Variants in MYO18B observed in about 807,000 individuals in gnomAD.
MYO18B encodes the protein unconventional myosin-XVIIIb.
A neutral mutation model predicts 273.0 loss-of-function variants in MYO18B; 204 were observed. That is an observed-to-expected ratio of 0.75 (90% CI 0.67 to 0.84). MYO18B has a LOEUF of 0.84. Among genes scored for constraint, MYO18B ranks in the 40% least tolerant of loss-of-function variants. The pLI is 0.00. For synonymous variants in MYO18B, 1,330 were observed against 1,305.7 expected (o/e 1.02, Z -0.40); for missense variants, 3,212 against 3,287.6 (o/e 0.98, Z 0.56).
intron 39 of MYO18B, among the ~76,000 whole-genome samples, chr22:25,956,458 T>C (rs970101805): frequency 6.6e-6 from 1 of 152,168 alleles, no homozygotes; most frequent in Admixed American, 6.5e-5. Context: ...TCAGGCAATC[T>C]GCCCACTTCG....
intron 27 of MYO18B, among the ~76,000 whole-genome samples, chr22:25,894,303 T>A (rs575180165): frequency 6.6e-6 from 1 of 152,268 alleles, no homozygotes; most frequent in East Asian, 1.9e-4. Flanking sequence ...GCTCAATGAG[T>A]GTGTGAATGG....
intron 36 of MYO18B, among the ~76,000 whole-genome samples, chr22:25,949,921 C>G (rs1303284070): frequency 2.0e-5 from 3 of 152,100 alleles, no homozygotes; most frequent in Admixed American, 2.0e-4. Flanking sequence ...TGAACAAACC[C>G]AATACGGAAA....
intron 42 of MYO18B, among the ~76,000 whole-genome samples, chr22:26,010,896 G>A (rs1934857819): frequency 6.6e-6 from 1 of 151,956 alleles, no homozygotes; most frequent in Admixed American, 6.6e-5. Flanking sequence ...TGTGTTTGGG[G>A]ACATCCAAAG....
intron 34 of MYO18B, among the ~76,000 whole-genome samples, chr22:25,930,451 G>A (rs947584288): frequency 1.3e-4 from 19 of 151,478 alleles, no homozygotes; most frequent in African/African-American, 4.6e-4. Flanking sequence ...ACCTCTCCCC[G>A]CCATGCCACC....
chr22:25,795,999 T>C (rs570753891), intron 11 of MYO18B, among the ~76,000 whole-genome samples: 2 of 152,312 alleles, frequency 1.3e-5, no homozygotes, highest in Non-Finnish European at 2.9e-5. Flanking sequence ...TTCAAAGACT[T>C]GCTGGCTTTA....
chr22:25,962,046 T>G (rs2092923435), intron 39 of MYO18B, among the ~76,000 whole-genome samples: 2 of 152,320 alleles, frequency 1.3e-5, no homozygotes, highest in East Asian at 3.9e-4. Context: ...ACACTTCTTG[T>G]GCAGCCTGCA....
At chr22:25,957,736 C>A (rs542152378) in intron 39 of MYO18B, among the ~76,000 whole-genome samples, 1 of 152,026 alleles carries the variant, frequency 6.6e-6, no homozygotes, top group African/African-American at 2.4e-5. Flanking sequence ...CCTTGGTTTG[C>A]GGCTGCCTCA....
chr22:25,835,444 G>C lies in MYO18B; in HGVS notation c.3208+1G>C. The C allele has an allele frequency of 6.2e-7, 1 of 1,613,756 alleles. No homozygotes were observed. Among genetic ancestry groups the C allele is most frequent in the Non-Finnish European group, 8.5e-7 (1 of 1,179,878 alleles). ...GAGAAGAAAGGAGCTGGGACTGAAG[G>C]TAAGGAAGCAGGGGGCTGGGGATGG... On this transcript the variant is annotated splice_donor_variant, in intron 17 of 43. Transcript: ENST00000335473. LOFTEE classifies it high-confidence loss of function.
In MYO18B at chr22:26,026,985, A is replaced by C. The variant is rs1049270912; in HGVS notation, c.7011A>C (p.Thr2337=). The part of the protein sequence containing the change: ...KCISSDGVGG[T]TLLPEKSKTQ... ...TCTCTTCAGACGGTGTTGGGGGCAC[A>C]ACCCTACTCCCCGAAAAGTCGAAAA... The change falls in exon 43 of 44, where the codon ACA becomes ACC. Residue 2337 remains threonine (T), a synonymous_variant. Transcript: ENST00000335473. 3.1e-6 allele frequency: 5 copies of C among 1,613,786 alleles called. No homozygotes were observed. The highest frequency in any genetic ancestry group is 4.2e-6 in the Non-Finnish European group (5 of 1,179,896).
intron 16 of MYO18B, among the ~76,000 whole-genome samples, chr22:25,834,859 T>G (rs1041503854): frequency 1.3e-5 from 2 of 152,238 alleles, no homozygotes; most frequent in Non-Finnish European, 2.9e-5. Context: ...ATACAAGGAC[T>G]TCTTAGAGGA....
chr22:25,899,313 T>C (rs1426466699), intron 29 of MYO18B: 1 of 152,234 alleles, frequency 6.6e-6, no homozygotes, highest in African/African-American at 2.4e-5. Context: ...GGGAAAGGTA[T>C]ACAGGGGTCC....
rs5761269 is a variant in MYO18B at position 25,843,939 on chromosome 22, A to G, written c.3368+45A>G. The G allele has an allele frequency of 0.72, 1,113,659 of 1,555,698 alleles. 403,530 individuals carry two copies. The highest frequency in any genetic ancestry group is 1 in the East Asian group (43,741 of 43,836). ...GGGACGGGGATGGAGCATTGGAGGCACTGTGTTTTCCTTCCCACCTAAACT... is the reference window on the plus strand; with the variant it reads ...GGGACGGGGATGGAGCATTGGAGGCGCTGTGTTTTCCTTCCCACCTAAACT... On this transcript the variant is annotated intron_variant, in intron 18 of 43. Transcript: ENST00000335473.
In MYO18B at chr22:25,883,689, A is replaced by C. The variant is rs2091411828; in HGVS notation, c.4314+5641A>C. The C allele has an allele frequency of 6.6e-6, 1 of 151,972 alleles. No homozygotes were observed. Among genetic ancestry groups the C allele is most frequent in the Admixed American group, 6.6e-5 (1 of 15,256 alleles). 9.4% of individuals were successfully genotyped at this position (151,972 alleles called of 1,614,324 possible). On this transcript the variant is annotated intron_variant, in intron 25 of 43. Coordinates refer to ENST00000335473, the MANE Select transcript of MYO18B (RefSeq NM_032608.7). The surrounding 1 kb of genome is among the most constrained non-coding windows in gnomAD (Gnocchi z 7.6). Reference sequence around the variant, plus strand: ...CTGCGGTTCGTGGCCTCTGCATGCCACCCCTTTGTCTCTGGAGGGGGAGAA... The same window carrying C: ...CTGCGGTTCGTGGCCTCTGCATGCCCCCCCTTTGTCTCTGGAGGGGGAGAA...
intron 29 of MYO18B, 74 bp downstream of exon 29, chr22:25,898,535 C>T (rs2091861830): frequency 6.5e-7 from 1 of 1,533,334 alleles, no homozygotes; most frequent in South Asian, 1.2e-5. Flanking sequence ...CTGGGGTATC[C>T]AGGTTCTCCT....
At chr22:25,861,613 T>G (rs1038530361) in intron 21 of MYO18B, among the ~76,000 whole-genome samples, 2 of 152,198 alleles carry the variant, frequency 1.3e-5, no homozygotes, top group African/African-American at 4.8e-5. Context: ...AATCTCTGCC[T>G]TTTTATTAAG....
intron 1 of MYO18B, among the ~76,000 whole-genome samples, chr22:25,754,414 A>G (rs2086042747): frequency 6.6e-6 from 1 of 152,154 alleles, no homozygotes; most frequent in Admixed American, 6.5e-5. Context: ...AATGTATTCT[A>G]TGAGACAGGT....
At chr22:25,979,114 T>G (rs2146778383) in intron 39 of MYO18B, among the ~76,000 whole-genome samples, 1 of 152,294 alleles carries the variant, frequency 6.6e-6, no homozygotes, top group South Asian at 2.1e-4. Flanking sequence ...CTACACTTCT[T>G]TGGAGACAAA....
rs375885391 is a variant in MYO18B at position 25,768,339 on chromosome 22, T to G, written c.423T>G (p.Thr141=). 1.2e-6 allele frequency: 2 copies of G among 1,613,720 alleles called. No individual in the cohort carries two copies. The highest frequency in any genetic ancestry group is 2.2e-5 in the South Asian group (2 of 91,012). ...CCAGTGCGACACCAACCAAAAAGAC[T>G]GTCCCCTTCAAGAGGGGCGTGAGGA... ...LGSSATPTKK[T]VPFKRGVRRG... Residue 141 remains threonine (T), a synonymous_variant, in exon 4 of 44, where the codon ACT becomes ACG. Transcript: ENST00000335473.
At chr22:25,810,226 T>C (rs1467213957) in intron 12 of MYO18B, among the ~76,000 whole-genome samples, 2 of 151,128 alleles carry the variant, frequency 1.3e-5, no homozygotes, top group Non-Finnish European at 2.9e-5. Context: ...GCCTCCCAAG[T>C]AGCTGGGACT....
Sources: allele counts gnomAD v4.1 joint callset (sites outside exome capture counted in the v4.1 genomes callset), GRCh38; gene constraint gnomAD v4.1.1; non-coding constraint Gnocchi (gnomAD v3.1); transcripts MANE v1.5; gene names NCBI Gene and HGNC (gene_info 2026-07-23, HGNC 2026-07-21).